Variants in ARHGAP8 observed in about 807,000 individuals in gnomAD.
ARHGAP8 encodes Rho GTPase activating protein 8.
In ARHGAP8, 62 loss-of-function variants were observed where a neutral mutation model predicts 46.1. The observed-to-expected ratio is 1.34, with a 90% CI of 1.10 to 1.66. The LOEUF is 1.66. ARHGAP8 is among the 40% of genes most tolerant of loss of function. The pLI is 0.00. For synonymous variants in ARHGAP8, 375 were observed against 243.1 expected, an observed-to-expected ratio of 1.54 and a Z score of -5.05; for missense variants, 923 against 568.4, an observed-to-expected ratio of 1.62 and a Z score of -6.34.
intron 1 of ARHGAP8, among the ~76,000 whole-genome samples, chr22:44,768,954 C>T (rs1271707995): frequency 1.3e-5 from 2 of 151,960 alleles, no homozygotes; most frequent in African/African-American, 4.8e-5. Flanking sequence ...CCTGCCTCAG[C>T]CTCCCAAGTA....
intron 1 of ARHGAP8, among the ~76,000 whole-genome samples, chr22:44,768,231 G>A (rs780448648): frequency 3.3e-5 from 5 of 151,772 alleles, no homozygotes; most frequent in East Asian, 2.0e-4. Flanking sequence ...TCCTGACCTC[G>A]TGATCCACCC....
intron 5 of ARHGAP8, 87 bp downstream of exon 5, chr22:44,814,845 C>A: frequency 6.8e-7 from 1 of 1,468,326 alleles, no homozygotes; most frequent in South Asian, 1.2e-5. Context: ...ATCCACGCAT[C>A]ATGGAGGGCC....
intron 10 of ARHGAP8, among the ~76,000 whole-genome samples, chr22:44,855,218 AAAG>A (rs1010869735): frequency 8.5e-5 from 13 of 152,082 alleles, no homozygotes; most frequent in African/African-American, 2.7e-4. Flanking sequence ...GCAAAGAAAA[AAAG>A]AATTTTTTTT....
rs760229007 is a variant in ARHGAP8 at position 44,786,506 on chromosome 22, G to T, written c.-22G>T. Reference sequence around the variant, plus strand: ...CGGCTGCTGTGCTGGGTGCAGTGAGGAAGAGGCCCTCGGTGGTGCCCATGG... The same window carrying T: ...CGGCTGCTGTGCTGGGTGCAGTGAGTAAGAGGCCCTCGGTGGTGCCCATGG... On this transcript the variant is annotated 5_prime_UTR_variant, in exon 2 of 12. Transcript: ENST00000356099. The T allele has an allele frequency of 1.9e-6, 3 of 1,613,354 alleles. No individual in the cohort carries two copies. The South Asian group carries it at 3.3e-5, about 18-fold the overall frequency.
chr22:44,795,090 C>A (rs947202044), intron 2 of ARHGAP8, among the ~76,000 whole-genome samples: 4 of 150,648 alleles, frequency 2.7e-5, no homozygotes, highest in Admixed American at 1.3e-4. Flanking sequence ...AAACAAAATA[C>A]CAAATTAGTT....
At chr22:44,754,783 T>C (rs1435526771) in intron 1 of ARHGAP8, among the ~76,000 whole-genome samples, 1 of 152,056 alleles carries the variant, frequency 6.6e-6, no homozygotes, top group Non-Finnish European at 1.5e-5. Flanking sequence ...TAAAGGCGGC[T>C]TCGGTTAAAG....
At chr22:44,806,816 T>C (rs1488538128) in intron 3 of ARHGAP8, among the ~76,000 whole-genome samples, 1 of 151,730 alleles carries the variant, frequency 6.6e-6, no homozygotes, top group African/African-American at 2.4e-5. Context: ...TAAAAAAAAT[T>C]AGCCGGGCGT....
chr22:44,764,101 C>T (rs986778989), intron 1 of ARHGAP8, among the ~76,000 whole-genome samples: 6 of 152,204 alleles, frequency 3.9e-5, no homozygotes, highest in East Asian at 1.9e-4. Flanking sequence ...CGTGAGCCAC[C>T]GCGCCCGGCC....
At chr22:44,838,384 T>C (rs1403711661) in intron 7 of ARHGAP8, among the ~76,000 whole-genome samples, 1 of 152,110 alleles carries the variant, frequency 6.6e-6, no homozygotes, top group African/African-American at 2.4e-5. Context: ...GATCTGCCCA[T>C]GTCTGCCTCC....
intron 1 of ARHGAP8, among the ~76,000 whole-genome samples, chr22:44,771,658 G>A (rs573143231): frequency 4.6e-5 from 7 of 151,024 alleles, no homozygotes; most frequent in South Asian, 2.1e-4. Context: ...GGGTTCAAGC[G>A]ATTCTCCTGC....
intron 1 of ARHGAP8, among the ~76,000 whole-genome samples, chr22:44,770,062 G>A (rs1025681548): frequency 6.6e-6 from 1 of 152,040 alleles, no homozygotes; most frequent in Non-Finnish European, 1.5e-5. Flanking sequence ...TGGCCAACAT[G>A]GTGAAACCCC....
rs149182286 is a variant in ARHGAP8, at chr22:44,815,645, G to A, written c.386+887G>A. 1.2e-4 allele frequency among the ~76,000 whole-genome samples: 18 copies of A among 152,246 alleles called. 1 individual carries two copies. The East Asian group carries it at 3.3e-3, about 28-fold the overall frequency. ...AGCGGCCTAAAGAAAGGCAGCCACA[G>A]CCCGGAAATGTGGCGACTTCAGTCA... is the stretch of plus-strand genomic sequence containing the variant. On this transcript the variant is annotated intron_variant, in intron 5 of 11. Coordinates refer to ENST00000356099, the MANE Select transcript of ARHGAP8 (RefSeq NM_181335.3).
At chr22:44,854,237 CT>C (rs35201093) in intron 10 of ARHGAP8, among the ~76,000 whole-genome samples, 349 of 130,336 alleles carry the variant, frequency 2.7e-3, no homozygotes, top group South Asian at 8.4e-3. Context: ...CCCCTTGTAT[CT>C]TTTTTTTTTT....
intron 4 of ARHGAP8, among the ~76,000 whole-genome samples, chr22:44,814,178 G>A (rs985938954): frequency 2.6e-5 from 4 of 152,348 alleles, no homozygotes; most frequent in East Asian, 3.9e-4. Flanking sequence ...TTCACTGGGT[G>A]TTCCAATGTG....
chr22:44,818,761 A>G lies in ARHGAP8; in HGVS notation c.387-3610A>G, dbSNP rs530464555. 2.1e-4 allele frequency among the ~76,000 whole-genome samples: 32 copies of G among 151,846 alleles called. 1 individual carries two copies. The East Asian group carries it at 4.3e-3, about 20-fold the overall frequency. ...AGCCCGGCTGGAGTGCAGTGGTGCA[A>G]TCATGGCTCACTGCATCCTTAACCT... On this transcript the variant is annotated intron_variant, in intron 5 of 11. Coordinates refer to ENST00000356099, the MANE Select transcript of ARHGAP8 (RefSeq NM_181335.3).
chr22:44,848,315 A>G lies in ARHGAP8; in HGVS notation c.748+265A>G, dbSNP rs865949146. Among the ~76,000 whole-genome samples, 3 of 152,136 alleles carry G rather than the reference A, an allele frequency of 2.0e-5. 1 individual carries two copies. In the Middle Eastern group the frequency reaches 0.01, roughly 517 times the overall value. Reference sequence around the variant, plus strand: ...CCTTTAGGGTCTCTCCATCCACACCACGTGGCACGTGCTTTCAGGAGACAC... The same window carrying G: ...CCTTTAGGGTCTCTCCATCCACACCGCGTGGCACGTGCTTTCAGGAGACAC... On this transcript the variant is annotated intron_variant, in intron 9 of 11. Transcript: ENST00000356099.
At chr22:44,808,261 A>G (rs761793442) in intron 3 of ARHGAP8, 46 bp from the exon 4 acceptor site, 60 of 1,589,344 alleles carry the variant, frequency 3.8e-5, no homozygotes, top group Non-Finnish European at 4.8e-5. Context: ...TGGTTTCAAT[A>G]ATGAGTAGGT....
At chr22:44,862,173 C>T (rs8139133) in intron 11 of ARHGAP8, 102 bp from the exon 12 acceptor site, 118,712 of 1,405,174 alleles carry the variant, frequency 0.084, 5,536 homozygotes, top group Non-Finnish European at 0.097. Flanking sequence ...GTCCAGTGCT[C>T]CTCTCACTAC....
At chr22:44,763,802 C>CT (rs201584311) in intron 1 of ARHGAP8, among the ~76,000 whole-genome samples, 2,477 of 91,360 alleles carry the variant, frequency 0.027, 32 homozygotes, top group African/African-American at 0.037. Flanking sequence ...TTTTTCTTTT[C>CT]TTTTTTTTTT....
Sources: allele counts gnomAD v4.1 joint callset (sites outside exome capture counted in the v4.1 genomes callset), GRCh38; gene constraint gnomAD v4.1.1; transcripts MANE v1.5; gene names NCBI Gene and HGNC (gene_info 2026-07-23, HGNC 2026-07-21).